The following ITGA9 variants were observed in gnomAD, a reference collection of about 807,000 sequenced individuals.
ITGA9 encodes the protein integrin alpha-9.
ITGA9 carries 56 observed loss-of-function variants against 127.8 expected under a neutral mutation model. That is an observed-to-expected ratio of 0.44 (90% CI 0.35 to 0.55). The LOEUF (loss-of-function observed/expected upper bound fraction) is 0.55. ITGA9 is among the 20% of genes least tolerant of loss of function. The probability of loss-of-function intolerance (pLI) is 0.00; values close to 1 mark genes in which losing one functional copy is unlikely to be tolerated. For missense variants in ITGA9, 1,196 were observed against 1,347.1 expected, an observed-to-expected ratio of 0.89 and a Z score of 1.76; for synonymous variants, 508 against 514.5, an observed-to-expected ratio of 0.99 and a Z score of 0.17.
intron 15 of ITGA9, among the ~76,000 whole-genome samples, chr3:37,565,121 T>A (rs1254348621): frequency 6.6e-6 from 1 of 152,192 alleles, no homozygotes; most frequent in Non-Finnish European, 1.5e-5. Flanking sequence ...GGTTCCCAGT[T>A]TCCTCTTCTG....
At chr3:37,527,148 C>T (rs942420268) in intron 13 of ITGA9, among the ~76,000 whole-genome samples, 5 of 152,182 alleles carry the variant, frequency 3.3e-5, no homozygotes, top group African/African-American at 1.2e-4. Flanking sequence ...TACAGATGCT[C>T]CTTGACTTAG....
intron 16 of ITGA9, among the ~76,000 whole-genome samples, chr3:37,648,871 CATTATAAGT>C (rs1700403567): frequency 6.6e-6 from 1 of 150,950 alleles, no homozygotes; most frequent in Non-Finnish European, 1.5e-5. Flanking sequence ...TTTTAAAAAC[CATTATAAGT>C]ATTAACTAAA....
chr3:37,533,286 TA>T (rs1313447117), intron 13 of ITGA9, 27 bp from the exon 14 acceptor site: 1 of 1,613,140 alleles, frequency 6.2e-7, no homozygotes, highest in Admixed American at 1.7e-5. Context: ...TTACCACGAC[TA>T]AGTCACCTTC....
chr3:37,783,956 T>A (rs1470149886), intron 25 of ITGA9, among the ~76,000 whole-genome samples: 1 of 152,226 alleles, frequency 6.6e-6, no homozygotes, highest in Non-Finnish European at 1.5e-5. Context: ...CCCTTGGAAC[T>A]GTTTTCTGTG....
At chr3:37,487,373 G>T (rs1427173459) in intron 4 of ITGA9, among the ~76,000 whole-genome samples, 1 of 152,206 alleles carries the variant, frequency 6.6e-6, no homozygotes, top group African/African-American at 2.4e-5. Flanking sequence ...GAGGCCAGAG[G>T]TCTCCAGCAG....
intron 15 of ITGA9, among the ~76,000 whole-genome samples, chr3:37,606,970 CT>C (rs11306321): frequency 0.47 from 48,767 of 103,718 alleles, 11,736 homozygotes; most frequent in Admixed American, 0.55. Flanking sequence ...CTCATGGCTC[CT>C]TTTTTTTTTT....
chr3:37,640,501 C>T (rs1052335812), intron 16 of ITGA9, among the ~76,000 whole-genome samples: 15 of 152,118 alleles, frequency 9.9e-5, no homozygotes, highest in African/African-American at 3.4e-4. Context: ...AGTGGATTCT[C>T]CCCCAGGGCC....
At chr3:37,553,987 C>T (rs1699404092) in intron 15 of ITGA9, among the ~76,000 whole-genome samples, 1 of 152,226 alleles carries the variant, frequency 6.6e-6, no homozygotes, top group South Asian at 2.1e-4. Context: ...GTTCTCTGAC[C>T]TTTCACTTAT....
intron 4 of ITGA9, among the ~76,000 whole-genome samples, chr3:37,483,870 T>C (rs1698581841): frequency 6.6e-6 from 1 of 152,190 alleles, no homozygotes; most frequent in Non-Finnish European, 1.5e-5. Flanking sequence ...ACTCAAACAA[T>C]AAATGGTGGA....
chr3:37,705,483 G>A (rs538206261), intron 18 of ITGA9, among the ~76,000 whole-genome samples: 23 of 152,292 alleles, frequency 1.5e-4, no homozygotes, highest in African/African-American at 5.3e-4. Flanking sequence ...CAGGTTTTTG[G>A]TCCTTGTTTA....
intron 15 of ITGA9, among the ~76,000 whole-genome samples, chr3:37,561,644 C>T (rs377314190): frequency 2.0e-5 from 3 of 152,192 alleles, no homozygotes; most frequent in Non-Finnish European, 4.4e-5. Flanking sequence ...TTTCAGAAAG[C>T]CTGGTGGGAT....
At chr3:37,502,149 C>A (rs1379789955) in intron 5 of ITGA9, among the ~76,000 whole-genome samples, 3 of 151,776 alleles carry the variant, frequency 2.0e-5, no homozygotes, top group Non-Finnish European at 2.9e-5. Context: ...ATGCTCTCAG[C>A]CCTGTTGACC....
intron 1 of ITGA9, among the ~76,000 whole-genome samples, chr3:37,460,591 T>G (rs1272313531): frequency 6.8e-6 from 1 of 147,866 alleles, no homozygotes; most frequent in Non-Finnish European, 1.5e-5. Flanking sequence ...CCAAATCTTT[T>G]TTTTTTTTTT....
intron 17 of ITGA9, among the ~76,000 whole-genome samples, chr3:37,656,286 T>C (rs1412334052): frequency 2.6e-5 from 4 of 152,236 alleles, no homozygotes; most frequent in African/African-American, 4.8e-5. Flanking sequence ...CTTTGAGCAG[T>C]ATGGCCATTT....
At chr3:37,752,521 C>T (rs1696599239) in intron 23 of ITGA9, among the ~76,000 whole-genome samples, 1 of 152,192 alleles carries the variant, frequency 6.6e-6, no homozygotes, top group South Asian at 2.1e-4. Flanking sequence ...ATCTGTCATT[C>T]CTCTCCACAC....
chr3:37,702,264 G>A (rs1385582979), intron 18 of ITGA9, among the ~76,000 whole-genome samples: 2 of 152,176 alleles, frequency 1.3e-5, no homozygotes, highest in African/African-American at 2.4e-5. Flanking sequence ...GGACGGTGCA[G>A]CCAGGAAATA....
intron 3 of ITGA9, 109 bp from the exon 4 acceptor site, chr3:37,481,375 T>C: frequency 4.1e-6 from 6 of 1,446,882 alleles, no homozygotes; most frequent in Non-Finnish European, 5.8e-6. Flanking sequence ...TTCTGGTCCC[T>C]CTGCTCCTCT....
intron 5 of ITGA9, among the ~76,000 whole-genome samples, chr3:37,500,805 G>A (rs1698779896): frequency 6.6e-6 from 1 of 152,150 alleles, no homozygotes; most frequent in Admixed American, 6.5e-5. Context: ...GGTGACCAAG[G>A]GACGGGGTGC....
At chr3:37,635,442 C>T (rs1269132358) in intron 16 of ITGA9, among the ~76,000 whole-genome samples, 1 of 152,144 alleles carries the variant, frequency 6.6e-6, no homozygotes, top group African/African-American at 2.4e-5. Context: ...CTTGATGAAA[C>T]AGGAAATCAC....
Sources: gnomAD v4.1 joint callset for allele counts (sites outside exome capture counted in the v4.1 genomes callset) on GRCh38, gnomAD v4.1.1 for gene constraint, MANE v1.5 for transcripts, NCBI Gene and HGNC (gene_info 2026-07-23, HGNC 2026-07-21) for gene names.